TBX4: variants seen among roughly 807,000 people sequenced by gnomAD.
TBX4 encodes the protein T-box transcription factor 4.
In TBX4, 13 loss-of-function variants were observed where a neutral mutation model predicts 54.6. The ratio of observed to expected loss-of-function variants is 0.24; its 90% confidence interval spans 0.15 to 0.38. TBX4 has a LOEUF of 0.38. TBX4 is among the 10% of genes least tolerant of loss of function. TBX4 has a pLI of 1.00. For missense variants in TBX4, 631 were observed against 728.5 expected (o/e 0.87, Z 1.54); for synonymous variants, 314 against 306.7 (o/e 1.02, Z -0.25).
chr17:61,469,396 C>T (rs1371229803), intron 5 of TBX4, among the ~76,000 whole-genome samples: 1 of 152,188 alleles, frequency 6.6e-6, no homozygotes. Context: ...GCTGGGGGTG[C>T]CCCTGGCTGC....
rs1026039295 is a variant in TBX4, at chr17:61,475,453, G to A, written c.550-3174G>A. 1.3e-5 allele frequency among the ~76,000 whole-genome samples: 2 copies of A among 152,210 alleles called. No homozygotes were observed. Among genetic ancestry groups the A allele is most frequent in the Admixed American group, 6.5e-5 (1 of 15,272 alleles). The stretch of plus-strand genomic sequence containing the variant: ...GCAGGGGAGTGAACTGATGGGATGT[G>A]TTTCAGGAGGAAATGGAGAGAAAGT... On this transcript the variant is annotated intron_variant, in intron 5 of 8. Coordinates refer to ENST00000644296, the MANE Select transcript of TBX4 (RefSeq NM_001321120.2). The surrounding 1 kb of genome is among the most constrained non-coding windows in gnomAD (Gnocchi z 5.0).
At position 61,480,830 on chromosome 17, in the gene TBX4, A is replaced by C. The variant is rs1360972824; in HGVS notation, c.1021+511A>C. 6.6e-6 allele frequency among the ~76,000 whole-genome samples: 1 copy of C among 152,150 alleles called. No homozygotes were observed. Among genetic ancestry groups the C allele is most frequent in the African/African-American group, 2.4e-5 (1 of 41,422 alleles). ...AGTTGAGATGAGCTATTGTGGATGT[A>C]GGTGGGGGCTGGGAAGACAAGCCAC... On this transcript the variant is annotated intron_variant, in intron 8 of 8. Transcript: ENST00000644296. This position sits in a 1 kb window ranked among gnomAD's most constrained non-coding sequence, Gnocchi z 6.2.
Position 61,480,888 on chromosome 17 carries a change from G to T in TBX4, c.1021+569G>T, listed in dbSNP as rs1415101795. 6.6e-6 allele frequency among the ~76,000 whole-genome samples: 1 copy of T among 152,176 alleles called. No individual in the cohort carries two copies. The highest frequency in any genetic ancestry group is 1.5e-5 in the Non-Finnish European group (1 of 68,030). On this transcript the variant is annotated intron_variant, in intron 8 of 8. Transcript: ENST00000644296. The surrounding 1 kb of genome is among the most constrained non-coding windows in gnomAD (Gnocchi z 6.2). ...TCTGTGCCAGGCCTCTTCGTAAAGA[G>T]GAGGAGCCCGGAGCTGGGCACCATC...
At position 61,459,764 on chromosome 17, in the gene TBX4, A is replaced by G. The variant is rs2143802880; in HGVS notation, c.281+2133A>G. Among the ~76,000 whole-genome samples, 1 of 152,310 alleles carries G rather than the reference A, an allele frequency of 6.6e-6. No homozygotes were observed. Among genetic ancestry groups the G allele is most frequent in the Non-Finnish European group, 1.5e-5 (1 of 68,022 alleles). The stretch of plus-strand genomic sequence containing the variant: ...GATGATGTTGGCCAATTATGGATCC[A>G]TCACAGCCTTTCACTTCTCTGGCAG... On this transcript the variant is annotated intron_variant, in intron 3 of 8. Coordinates refer to ENST00000644296, the MANE Select transcript of TBX4 (RefSeq NM_001321120.2). The surrounding 1 kb of genome is among the most constrained non-coding windows in gnomAD (Gnocchi z 4.8).
chr17:61,456,983 G>C (rs1252232647), intron 2 of TBX4, among the ~76,000 whole-genome samples: 2 of 152,192 alleles, frequency 1.3e-5, no homozygotes, highest in Non-Finnish European at 2.9e-5. Flanking sequence ...CAAGTGTCCA[G>C]CTCCAACAAC....
In TBX4 at chr17:61,465,775, G is replaced by C. The variant is rs79156554; in HGVS notation, c.282-44G>C. On this transcript the variant is annotated intron_variant, in intron 3 of 8. Coordinates refer to ENST00000644296, the MANE Select transcript of TBX4 (RefSeq NM_001321120.2). The surrounding 1 kb of genome is among the most constrained non-coding windows in gnomAD (Gnocchi z 4.9). The stretch of plus-strand genomic sequence containing the variant: ...TTGCTCACTCTGTTCCATCTCTCCT[G>C]GTGCTCTGTCCACACGCTCCGCCTC... The C allele has an allele frequency of 4.3e-3, 7,010 of 1,612,386 alleles. 18 individuals carry two copies. The highest frequency in any genetic ancestry group is 5.4e-3 in the Non-Finnish European group (6,371 of 1,179,024).
intron 5 of TBX4, among the ~76,000 whole-genome samples, chr17:61,471,953 A>G (rs967607915): frequency 7.2e-6 from 1 of 138,206 alleles, no homozygotes. Context: ...CATGTTGATC[A>G]GACTAGTCTC....
chr17:61,458,338 T>TG (rs904413878), intron 3 of TBX4, among the ~76,000 whole-genome samples: 1 of 101,332 alleles, frequency 9.9e-6, no homozygotes, highest in African/African-American at 3.9e-5. Context: ...GCTGGTGGGG[T>TG]GGGGGCAGGA....
Position 61,466,068 on chromosome 17 carries a change from T to G in TBX4, c.401+130T>G, listed in dbSNP as rs2060535566. ...CCCAGGTCTGCAGGCTGGAGTCCAC[T>G]GCCTGGAACTGGCTGTGCGGAGGCT... On this transcript the variant is annotated intron_variant, in intron 4 of 8. Transcript: ENST00000644296. 10 of 1,423,184 alleles carry G rather than the reference T, an allele frequency of 7.0e-6. No individual in the cohort carries two copies. In the South Asian group the frequency reaches 1.0e-4, roughly 15 times the overall value. The allele number at this position is 1,423,184 out of a possible 1,614,324, so 88.2% of individuals were successfully genotyped here.
In TBX4 at chr17:61,472,254, C is replaced by G. The variant is rs564318728; in HGVS notation, c.549+4597C>G. Reference sequence around the variant, plus strand: ...TTGAAAATATCACCAAATTCCCCTCCATGGGAGCTGTACTGATGTATATAT... The same window carrying G: ...TTGAAAATATCACCAAATTCCCCTCGATGGGAGCTGTACTGATGTATATAT... On this transcript the variant is annotated intron_variant, in intron 5 of 8. Transcript: ENST00000644296. The surrounding 1 kb of genome is among the most constrained non-coding windows in gnomAD (Gnocchi z 4.5). 1.8e-4 allele frequency among the ~76,000 whole-genome samples: 27 copies of G among 152,156 alleles called. No individual in the cohort carries two copies. Among genetic ancestry groups the G allele is most frequent in the Non-Finnish European group, 3.2e-4 (22 of 68,030 alleles).
In TBX4 at chr17:61,480,403, C is replaced by T. The variant is rs868058770; in HGVS notation, c.1021+84C>T. ...GAAACCACTCTGCAGCGCCCCCCCC[C>T]CCAACACACACACACTCATCTCGTG... On this transcript the variant is annotated intron_variant, in intron 8 of 8. Coordinates refer to ENST00000644296, the MANE Select transcript of TBX4 (RefSeq NM_001321120.2). The surrounding 1 kb of genome is among the most constrained non-coding windows in gnomAD (Gnocchi z 6.2). 26 of 1,118,712 alleles carry T rather than the reference C, an allele frequency of 2.3e-5. No homozygotes were observed. Among genetic ancestry groups the T allele is most frequent in the South Asian group, 1.1e-4 (8 of 75,106 alleles). 69.3% of individuals were successfully genotyped at this position (1,118,712 alleles called of 1,614,324 possible). A position where few individuals can be genotyped will look rare whatever the true frequency, so the allele number is the denominator to read the frequency against.
chr17:61,474,417 C>T lies in TBX4; in HGVS notation c.550-4210C>T, dbSNP rs1298475202. ...CAGCTGTGTGTTCCTGGGCGAGTCA[C>T]GTCTCCACTACCAGCATTCTGTTCC... On this transcript the variant is annotated intron_variant, in intron 5 of 8. Transcript: ENST00000644296. The surrounding 1 kb of genome is among the most constrained non-coding windows in gnomAD (Gnocchi z 4.6). 6.6e-6 allele frequency among the ~76,000 whole-genome samples: 1 copy of T among 152,180 alleles called. No individual in the cohort carries two copies. Among genetic ancestry groups the T allele is most frequent in the East Asian group, 1.9e-4 (1 of 5,194 alleles).
rs1454653893 is a variant in TBX4, at chr17:61,464,489, C to T, written c.282-1330C>T. 1 of 152,420 alleles carries T rather than the reference C, an allele frequency of 6.6e-6. No individual in the cohort carries two copies. Among genetic ancestry groups the T allele is most frequent in the African/African-American group, 2.4e-5 (1 of 41,452 alleles). The allele number at this position is 152,420 out of a possible 1,614,324, so 9.4% of individuals were successfully genotyped here. On this transcript the variant is annotated intron_variant, in intron 3 of 8. Coordinates refer to ENST00000644296, the MANE Select transcript of TBX4 (RefSeq NM_001321120.2). The surrounding 1 kb of genome is among the most constrained non-coding windows in gnomAD (Gnocchi z 5.8). ...GCATCTTGGACAGCTTCTCCAGGGT[C>T]CCGTACTGTCTTGGGTTAGTGAGAG...
rs181122043 is a variant in TBX4 at position 61,465,526 on chromosome 17, T to G, written c.282-293T>G. On this transcript the variant is annotated intron_variant, in intron 3 of 8. Transcript: ENST00000644296. This position sits in a 1 kb window ranked among gnomAD's most constrained non-coding sequence, Gnocchi z 4.9. ...TGCTCATGGGCACTAGCCCCAAGTC[T>G]TAGGGGATTATGGGGGAGGGGATAA... Among the ~76,000 whole-genome samples the G allele has an allele frequency of 1.1e-3, 174 of 152,288 alleles. No individual in the cohort carries two copies. Among genetic ancestry groups the G allele is most frequent in the African/African-American group, 4.0e-3 (165 of 41,568 alleles).
intron 5 of TBX4, among the ~76,000 whole-genome samples, chr17:61,473,298 A>G (rs751689171): frequency 3.3e-5 from 5 of 152,066 alleles, no homozygotes; most frequent in Non-Finnish European, 5.9e-5. Flanking sequence ...TCATTTTCGG[A>G]GTTACTATGT....
At position 61,467,381 on chromosome 17, in the gene TBX4, T is replaced by C. The variant is rs930848913; in HGVS notation, c.402-129T>C. ...ACACTCCTACCCTTGAAGTACTAAT[T>C]TGACAATGTGGTGGGACCAGCAGCT... On this transcript the variant is annotated intron_variant, in intron 4 of 8. Transcript: ENST00000644296. 7.6e-6 allele frequency: 8 copies of C among 1,050,944 alleles called. No individual in the cohort carries two copies. In the African/African-American group the frequency reaches 1.1e-4, roughly 15 times the overall value. The allele number at this position is 1,050,944 out of a possible 1,614,324, so 65.1% of individuals were successfully genotyped here.
Position 61,464,286 on chromosome 17 carries a change from GGGGCTGGGTGGGGCGT to G in TBX4, c.282-1525_282-1510del, listed in dbSNP as rs1439425512. 1.3e-5 allele frequency: 2 copies of G among 152,314 alleles called. No individual in the cohort carries two copies. The highest frequency in any genetic ancestry group is 2.9e-5 in the Non-Finnish European group (2 of 68,132). The allele number at this position is 152,314 out of a possible 1,614,324, so 9.4% of individuals were successfully genotyped here. A position where few individuals can be genotyped will look rare whatever the true frequency, so the allele number is the denominator to read the frequency against. Reference sequence around the variant, plus strand: ...CCTCCAGCAAGAGAGGGGCACAGGCGGGGCTGGGTGGGGCGTGGGCTGGCAAGGAAGTGAACCCTCC... The same window carrying G: ...CCTCCAGCAAGAGAGGGGCACAGGCGGGGCTGGCAAGGAAGTGAACCCTCC... On this transcript the variant is annotated intron_variant, in intron 3 of 8. Coordinates refer to ENST00000644296, the MANE Select transcript of TBX4 (RefSeq NM_001321120.2). This position sits in a 1 kb window ranked among gnomAD's most constrained non-coding sequence, Gnocchi z 5.8.
rs1421865857 is a variant in TBX4, at chr17:61,483,315, G to C, written c.1440G>C (p.Gln480His). The change falls in exon 9 of 9, where the codon CAG (glutamine) becomes CAC (histidine). Residue 480 changes from glutamine (Q) to histidine (H), a missense_variant. Gln to His is a conservative substitution (Grantham distance 24, BLOSUM62 0). Coordinates refer to ENST00000644296, the MANE Select transcript of TBX4 (RefSeq NM_001321120.2). This position sits in a 1 kb window ranked among gnomAD's most constrained non-coding sequence, Gnocchi z 6.6. Reference protein sequence around the residue: ...AHFSVYNQLSQSQVRERGPSA... With the variant: ...AHFSVYNQLSHSQVRERGPSA... ...TTAGTGTCTACAATCAGCTCTCCCA[G>C]TCTCAGGTCCGAGAGCGGGGGCCCA... 6.2e-7 allele frequency: 1 copy of C among 1,611,746 alleles called. No homozygotes were observed. The highest frequency in any genetic ancestry group is 8.5e-7 in the Non-Finnish European group (1 of 1,177,972).
At position 61,461,687 on chromosome 17, in the gene TBX4, C is replaced by G. The variant is rs1405842807; in HGVS notation, c.281+4056C>G. On this transcript the variant is annotated intron_variant, in intron 3 of 8. Transcript: ENST00000644296. This position sits in a 1 kb window ranked among gnomAD's most constrained non-coding sequence, Gnocchi z 5.1. ...CACAAAATAAACACACTCGTGTAAC[C>G]TTCATCCAGATAAAGAAATAGATCA... Among the ~76,000 whole-genome samples the G allele has an allele frequency of 6.6e-6, 1 of 152,182 alleles. No homozygotes were observed. Among genetic ancestry groups the G allele is most frequent in the Non-Finnish European group, 1.5e-5 (1 of 68,032 alleles).
Sources: gnomAD v4.1 joint callset for allele counts (sites outside exome capture counted in the v4.1 genomes callset) on GRCh38, gnomAD v4.1.1 for gene constraint, Gnocchi (gnomAD v3.1) non-coding constraint, MANE v1.5 for transcripts, NCBI Gene and HGNC (gene_info 2026-07-23, HGNC 2026-07-21) for gene names.